DLGAP2: variants seen among roughly 807,000 people sequenced by gnomAD.
DLGAP2 encodes the protein DLG associated protein 2.
DLGAP2 carries 26 observed loss-of-function variants against 100.3 expected under a neutral mutation model. That is an observed-to-expected ratio of 0.26 (90% CI 0.19 to 0.36). The LOEUF is 0.36. Among genes scored for constraint, DLGAP2 ranks in the 10% least tolerant of loss-of-function variants. The pLI is 1.00. For missense variants in DLGAP2, 1,858 were observed against 1,453.2 expected (o/e 1.28, Z -4.53); for synonymous variants, 886 against 630.1 (o/e 1.41, Z -6.08).
At chr8:1,601,945 G>T (rs868684529) in intron 6 of DLGAP2, among the ~76,000 whole-genome samples, 3 of 146,348 alleles carry the variant, frequency 2.0e-5, no homozygotes, top group African/African-American at 7.6e-5. Flanking sequence ...AATTTAACAG[G>T]GTGTGTGTGT....
intron 6 of DLGAP2, among the ~76,000 whole-genome samples, chr8:1,584,642 C>G (rs754700658): frequency 6.6e-6 from 1 of 152,288 alleles, no homozygotes; most frequent in Non-Finnish European, 1.5e-5. Flanking sequence ...GACGATGTCT[C>G]TCCTCAGAAG....
intron 3 of DLGAP2, among the ~76,000 whole-genome samples, chr8:1,457,305 A>T (rs960411835): frequency 6.6e-6 from 1 of 152,212 alleles, no homozygotes; most frequent in Non-Finnish European, 1.5e-5. Flanking sequence ...GCAACCACAG[A>T]AATGGTTGCA....
At chr8:1,503,440 A>G (rs985620333) in intron 4 of DLGAP2, among the ~76,000 whole-genome samples, 3 of 152,076 alleles carry the variant, frequency 2.0e-5, no homozygotes, top group Non-Finnish European at 2.9e-5. Flanking sequence ...TGCATGTATC[A>G]ATGTGTCACA....
At chr8:1,390,645 C>T (rs561532431) in intron 3 of DLGAP2, among the ~76,000 whole-genome samples, 1 of 152,268 alleles carries the variant, frequency 6.6e-6, no homozygotes, top group Non-Finnish European at 1.5e-5. Flanking sequence ...TCCCGTCCAC[C>T]TCTCACCTCC....
chr8:982,312 C>A (rs960892731), intron 2 of DLGAP2, among the ~76,000 whole-genome samples: 1 of 152,196 alleles, frequency 6.6e-6, no homozygotes, highest in African/African-American at 2.4e-5. Flanking sequence ...TCAGCATGTG[C>A]GACAGTTTTT....
intron 2 of DLGAP2, among the ~76,000 whole-genome samples, chr8:1,215,980 T>C (rs1798204923): frequency 6.6e-6 from 1 of 151,654 alleles, no homozygotes; most frequent in African/African-American, 2.4e-5. Context: ...GGTACCTCGA[T>C]GGGTTCATTA....
chr8:1,680,002 AAGAG>A (rs1173526996), intron 12 of DLGAP2, among the ~76,000 whole-genome samples: 1 of 150,886 alleles, frequency 6.6e-6, no homozygotes, highest in Non-Finnish European at 1.5e-5. Flanking sequence ...AAAAAAAAAA[AAGAG>A]CTCAGAAGCA....
At position 1,527,392 on chromosome 8, in the gene DLGAP2, G is replaced by A. The variant is rs377249679; in HGVS notation, c.173-21234G>A. Among the ~76,000 whole-genome samples the A allele has an allele frequency of 1.1e-4, 16 of 152,314 alleles. No individual in the cohort carries two copies. The South Asian group carries it at 2.1e-3, about 20-fold the overall frequency. On this transcript the variant is annotated intron_variant, in intron 4 of 14. Coordinates refer to ENST00000637795, the MANE Select transcript of DLGAP2 (RefSeq NM_001346810.2). ...AAGTCACCGTCACAGGCAAGCTCCC[G>A]CTTCTCACGTGCAGGACAGATGGCG... is the stretch of plus-strand genomic sequence containing the variant.
rs557968765 is a variant in DLGAP2 at position 1,627,604 on chromosome 8, G to A, written c.1590+717G>A. 2.6e-4 allele frequency among the ~76,000 whole-genome samples: 39 copies of A among 152,382 alleles called. 1 individual carries two copies. In the South Asian group the frequency reaches 7.7e-3, roughly 30 times the overall value. On this transcript the variant is annotated intron_variant, in intron 7 of 14. Coordinates refer to ENST00000637795, the MANE Select transcript of DLGAP2 (RefSeq NM_001346810.2). ...AAGCACGTTGCTTACTCACTTAAAT[G>A]CCTTTGAAAACAGTGCTTGAGCTGA...
intron 3 of DLGAP2, among the ~76,000 whole-genome samples, chr8:1,361,049 T>C (rs1425572335): frequency 1.3e-5 from 2 of 152,230 alleles, no homozygotes; most frequent in Non-Finnish European, 2.9e-5. Context: ...ATCCTTTCCT[T>C]TTAAGCTTTG....
intron 8 of DLGAP2, among the ~76,000 whole-genome samples, chr8:1,660,676 T>C (rs1320897656): frequency 9.2e-5 from 14 of 152,198 alleles, no homozygotes; most frequent in Non-Finnish European, 2.1e-4. Context: ...ATGGGGTCAT[T>C]AACAAAGGGA....
intron 14 of DLGAP2, 136 bp downstream of exon 14, chr8:1,697,435 T>A: frequency 8.1e-7 from 1 of 1,228,840 alleles, no homozygotes; most frequent in Non-Finnish European, 1.1e-6. Context: ...CCTCTATGTA[T>A]GTGTGCACAT....
intron 1 of DLGAP2, among the ~76,000 whole-genome samples, chr8:775,152 T>C (rs1444893782): frequency 6.6e-6 from 1 of 151,940 alleles, no homozygotes; most frequent in Non-Finnish European, 1.5e-5. Context: ...TCTGTGTTTG[T>C]CTGTTATTGG....
intron 2 of DLGAP2, among the ~76,000 whole-genome samples, chr8:1,164,734 C>T (rs1269098868): frequency 6.6e-6 from 1 of 152,076 alleles, no homozygotes; most frequent in Non-Finnish European, 1.5e-5. Flanking sequence ...TCCTCCAGGC[C>T]CGAAACAAAT....
intron 1 of DLGAP2, among the ~76,000 whole-genome samples, chr8:829,103 A>C (rs1179349404): frequency 6.6e-6 from 1 of 152,212 alleles, no homozygotes; most frequent in Non-Finnish European, 1.5e-5. Context: ...ATGAGGCTAA[A>C]CCAGGAGAAA....
intron 1 of DLGAP2, among the ~76,000 whole-genome samples, chr8:896,939 C>G (rs1411593151): frequency 1.3e-5 from 2 of 152,144 alleles, no homozygotes; most frequent in Non-Finnish European, 2.9e-5. Context: ...GATGCGTGTG[C>G]TTTGTAAGAG....
At chr8:886,308 T>C (rs1157126164) in intron 1 of DLGAP2, among the ~76,000 whole-genome samples, 3 of 152,156 alleles carry the variant, frequency 2.0e-5, no homozygotes, top group Non-Finnish European at 4.4e-5. Flanking sequence ...TTTTGTTAAT[T>C]TTTTTCAAAA....
chr8:1,175,545 A>G (rs761165364), intron 2 of DLGAP2, among the ~76,000 whole-genome samples: 4 of 152,182 alleles, frequency 2.6e-5, no homozygotes, highest in Non-Finnish European at 4.4e-5. Context: ...AAGGGAGAAC[A>G]TTGTGTTCTA....
At chr8:1,292,629 C>T (rs185732458) in intron 3 of DLGAP2, among the ~76,000 whole-genome samples, 16 of 152,300 alleles carry the variant, frequency 1.1e-4, no homozygotes, top group African/African-American at 2.6e-4. Flanking sequence ...AAAGACAACA[C>T]ATATTCTGTT....
Sources: allele counts gnomAD v4.1 joint callset (sites outside exome capture counted in the v4.1 genomes callset), GRCh38; gene constraint gnomAD v4.1.1; transcripts MANE v1.5; gene names NCBI Gene and HGNC (gene_info 2026-07-23, HGNC 2026-07-21).